MCMDC2: variants seen among roughly 807,000 people sequenced by gnomAD.
MCMDC2 encodes minichromosome maintenance domain-containing protein 2.
Under a neutral mutation model 75.8 loss-of-function variants are expected in MCMDC2, and 54 were observed. The ratio of observed to expected loss-of-function variants is 0.71; its 90% CI spans 0.57 to 0.89. The LOEUF (loss-of-function observed/expected upper bound fraction) is 0.89. Among genes scored for constraint, MCMDC2 ranks in the 40% least tolerant of loss-of-function variants. The pLI is 0.00. For synonymous variants in MCMDC2, 249 were observed against 274.6 expected, an observed-to-expected ratio of 0.91 and a Z score of 0.92; for missense variants, 656 against 780.4, an observed-to-expected ratio of 0.84 and a Z score of 1.90.
At chr8:66,925,155 G>A (rs1419306682), downstream of MCMDC2, among the ~76,000 whole-genome samples, 5 of 152,268 alleles carry the variant, frequency 3.3e-5, no homozygotes, top group Non-Finnish European at 7.3e-5. Flanking sequence ...CCTTAAGTCA[G>A]AAGGCCCTTG....
chr8:66,923,899 C>CA (rs1214919358), downstream of MCMDC2, among the ~76,000 whole-genome samples: 5 of 151,880 alleles, frequency 3.3e-5, no homozygotes, highest in Admixed American at 2.0e-4. Flanking sequence ...AAAAAAGCAA[C>CA]AAAAAACCCC....
intron 14 of MCMDC2, among the ~76,000 whole-genome samples, chr8:66,906,004 C>G (rs1043237450): frequency 1.4e-5 from 1 of 71,370 alleles, no homozygotes; most frequent in African/African-American, 5.4e-5. Context: ...GACTCCATCT[C>G]AAAAAAAAAA....
intron 10 of MCMDC2, among the ~76,000 whole-genome samples, chr8:66,891,885 G>C (rs1563377674): frequency 1.3e-5 from 2 of 148,700 alleles, no homozygotes; most frequent in African/African-American, 4.9e-5. Flanking sequence ...CAAGGCTGTA[G>C]CTGGAACAGG....
intron 10 of MCMDC2, among the ~76,000 whole-genome samples, chr8:66,894,893 A>G (rs779629523): frequency 1.3e-5 from 2 of 152,174 alleles, no homozygotes; most frequent in Non-Finnish European, 2.9e-5. Flanking sequence ...ATTAGCAGTC[A>G]ACCCCCAGTC....
intron 9 of MCMDC2, among the ~76,000 whole-genome samples, chr8:66,890,511 C>G (rs1477699426): frequency 6.6e-6 from 1 of 151,896 alleles, no homozygotes; most frequent in Admixed American, 6.6e-5. Context: ...AGTTAAGGTC[C>G]AAGTCTCGTA....
intron 13 of MCMDC2, among the ~76,000 whole-genome samples, chr8:66,903,890 G>A (rs1812803883): frequency 6.6e-6 from 1 of 152,146 alleles, no homozygotes; most frequent in Non-Finnish European, 1.5e-5. Context: ...AACTTCACAA[G>A]CTTGAACTGT....
chr8:66,887,337 C>T (rs946351007), intron 9 of MCMDC2, among the ~76,000 whole-genome samples: 7 of 148,666 alleles, frequency 4.7e-5, no homozygotes, highest in Non-Finnish European at 1.0e-4. Flanking sequence ...GTCAGGAGTT[C>T]GAGGCCGGCT....
At position 66,891,039 on chromosome 8, in the gene MCMDC2, C is replaced by G; in HGVS notation, c.1248C>G (p.His416Gln). Reference sequence around the variant, plus strand: ...GCTTTATAGGAGACTTGGCTTCACACAAAAAAGATAAACTTGAACAGCTTC... The same window carrying G: ...GCTTTATAGGAGACTTGGCTTCACAGAAAAAAGATAAACTTGAACAGCTTC... The part of the protein sequence containing the change: ...GICFIGDLAS[H>Q]KKDKLEQLQT... Residue 416 changes from histidine to glutamine, a missense_variant, in exon 10 of 15, where the codon CAC (histidine) becomes CAG (glutamine). By Grantham distance (24) the His-to-Gln change is conservative (BLOSUM62 0). Coordinates refer to ENST00000422365, the MANE Select transcript of MCMDC2 (RefSeq NM_173518.5). The G allele has an allele frequency of 6.3e-7, 1 of 1,589,622 alleles. No individual in the cohort carries two copies. The highest frequency in any genetic ancestry group is 1.2e-5 in the South Asian group (1 of 85,708).
rs1207346590 is a variant in MCMDC2, at chr8:66,909,961, G to A, written c.1879+4626G>A. Among the ~76,000 whole-genome samples, 7 of 152,272 alleles carry A rather than the reference G, an allele frequency of 4.6e-5. 1 individual carries two copies. In the South Asian group the frequency reaches 8.3e-4, roughly 18 times the overall value. ...GGGCCTCCCTGCTTTGTGAAGTATC[G>A]GGACTTGGTGCCCTGCATCCCAGCC... On this transcript the variant is annotated intron_variant, in intron 14 of 14. Transcript: ENST00000422365.
In MCMDC2 at chr8:66,896,925, C is replaced by G. The variant is rs35595089; in HGVS notation, c.1592C>G (p.Ala531Gly). The G allele has an allele frequency of 1.1e-3, 1,720 of 1,609,038 alleles. 16 individuals are homozygous for G. The African/African-American group carries it at 0.021, about 20-fold the overall frequency. The change falls in exon 12 of 15, where the codon GCT (alanine) becomes GGT (glycine). Residue 531 changes from alanine to glycine, a missense_variant. Ala to Gly is a moderately conservative substitution (Grantham distance 60). Coordinates refer to ENST00000422365, the MANE Select transcript of MCMDC2 (RefSeq NM_173518.5). ...AATCCTGAAGGGCTGTTTTATGCGG[C>G]TTCTAGACAGTTCACAACTGAAGAT... ...AINPEGLFYA[A>G]SRQFTTEDFE...
chr8:66,901,052 T>C (rs1563383712), intron 12 of MCMDC2, among the ~76,000 whole-genome samples, 154 bp from the exon 13 acceptor site: 1 of 152,234 alleles, frequency 6.6e-6, no homozygotes, highest in African/African-American at 2.4e-5. Flanking sequence ...TGATTTAAAG[T>C]GTTCAGTGAC....
At chr8:66,895,544 C>T (rs1402449915) in intron 10 of MCMDC2, among the ~76,000 whole-genome samples, 1 of 151,642 alleles carries the variant, frequency 6.6e-6, no homozygotes, top group Non-Finnish European at 1.5e-5. Context: ...GTAGCTGGGA[C>T]CACGGTAACA....
At chr8:66,896,554 G>A (rs1812360918) in intron 11 of MCMDC2, among the ~76,000 whole-genome samples, 1 of 151,870 alleles carries the variant, frequency 6.6e-6, no homozygotes, top group Admixed American at 6.6e-5. Context: ...TAACTAGAGA[G>A]TCTTTAATGA....
intron 7 of MCMDC2, among the ~76,000 whole-genome samples, chr8:66,880,022 A>G (rs945703971): frequency 9.2e-5 from 14 of 152,226 alleles, no homozygotes; most frequent in African/African-American, 3.1e-4. Context: ...TGGAGGATCA[A>G]AATTTTTAGT....
chr8:66,893,582 G>C (rs2130828991), intron 10 of MCMDC2, among the ~76,000 whole-genome samples: 1 of 152,274 alleles, frequency 6.6e-6, no homozygotes, highest in South Asian at 2.1e-4. Context: ...ATTAGATCTT[G>C]TGAGACTTAT....
At chr8:66,894,163 C>T (rs1454792468) in intron 10 of MCMDC2, among the ~76,000 whole-genome samples, 1 of 152,160 alleles carries the variant, frequency 6.6e-6, no homozygotes, top group Non-Finnish European at 1.5e-5. Context: ...GTCATGGGTG[C>T]ACTATAAGCC....
rs1469970948 is a variant in MCMDC2 at position 66,905,242 on chromosome 8, G to T, written c.1786G>T (p.Ala596Ser). The stretch of plus-strand genomic sequence containing the variant: ...CTTTTTTAGCGTTTTCCTATCTGAA[G>T]CCCATGCACGACTGAACTTAAGGAA... ...ALKYLVFLSE[A>S]HARLNLRNKV... The change falls in exon 14 of 15, where the codon GCC becomes TCC. Residue 596 changes from alanine to serine, a missense_variant. Ala to Ser is a moderately conservative substitution (Grantham distance 99). Transcript: ENST00000422365. The T allele has an allele frequency of 3.4e-6, 5 of 1,455,450 alleles. No individual in the cohort carries two copies. The African/African-American group carries it at 7.2e-5, about 21-fold the overall frequency. 90.2% of individuals were successfully genotyped at this position (1,455,450 alleles called of 1,614,324 possible).
intron 12 of MCMDC2, among the ~76,000 whole-genome samples, chr8:66,900,801 A>G (rs1175635925): frequency 6.6e-6 from 1 of 152,220 alleles, no homozygotes; most frequent in African/African-American, 2.4e-5. Flanking sequence ...TGTTCTTTAA[A>G]AGGAAGGAAG....
chr8:66,924,430 G>A (rs984872491), downstream of MCMDC2, among the ~76,000 whole-genome samples: 1 of 151,968 alleles, frequency 6.6e-6, no homozygotes, highest in Non-Finnish European at 1.5e-5. Context: ...CTGGTCAGGA[G>A]TTCAAGACCA....
Sources: gnomAD v4.1 joint callset for allele counts (sites outside exome capture counted in the v4.1 genomes callset) on GRCh38, gnomAD v4.1.1 for gene constraint, MANE v1.5 for transcripts, NCBI Gene and HGNC (gene_info 2026-07-23, HGNC 2026-07-21) for gene names.